Variants in NRXN2 observed in about 807,000 individuals in gnomAD.
NRXN2 encodes the protein neurexin-2-beta.
A neutral mutation model predicts 128.8 loss-of-function variants in NRXN2; 29 were observed. The observed-to-expected ratio is 0.23, with a 90% confidence interval of 0.17 to 0.31. The LOEUF (loss-of-function observed/expected upper bound fraction) is 0.31. Ranked by LOEUF, NRXN2 falls within the 10% of genes least tolerant of loss-of-function variation. NRXN2 has a pLI of 1.00. For synonymous variants in NRXN2, 1,098 were observed against 1,075.2 expected, an observed-to-expected ratio of 1.02 and a Z score of -0.41; for missense variants, 1,881 against 2,452.6, an observed-to-expected ratio of 0.77 and a Z score of 4.92.
At chr11:64,615,860 GTGTGTGTGTA>G (rs1375961037) in intron 22 of NRXN2, among the ~76,000 whole-genome samples, 1 of 148,478 alleles carries the variant, frequency 6.7e-6, no homozygotes, top group South Asian at 2.1e-4. Flanking sequence ...GTGTGTGTGT[GTGTGTGTGTA>G]TGTGTATACC....
intron 3 of NRXN2, among the ~76,000 whole-genome samples, chr11:64,697,181 G>T (rs1321041677): frequency 6.6e-6 from 1 of 152,076 alleles, no homozygotes; most frequent in Non-Finnish European, 1.5e-5. Context: ...AGCAACCTGT[G>T]GGGCAGCAGC....
Position 64,607,314 on chromosome 11 carries a change from C to G in NRXN2, c.5021G>C (p.Arg1674Pro), listed in dbSNP as rs754884519. 5.6e-6 allele frequency: 9 copies of G among 1,613,908 alleles called. No homozygotes were observed. The highest frequency in any genetic ancestry group is 7.6e-6 in the Non-Finnish European group (9 of 1,179,976). ...CTGGGCCGAGTTACTGATGTAGTTT[C>G]GGCTCTGGTCCACCTGGTAGGAGCC... ...DEGSYQVDQS[R>P]NYISNSAQSN... is the part of the protein sequence containing the mutation. Residue 1674 changes from arginine (R) to proline (P), a missense_variant, in exon 23 of 23, where the codon CGA becomes CCA. Transcript: ENST00000265459.
intron 6 of NRXN2, 37 bp from the exon 7 acceptor site, chr11:64,677,074 G>T (rs774664742): frequency 9.0e-6 from 10 of 1,114,008 alleles, no homozygotes; most frequent in South Asian, 2.7e-5. Flanking sequence ...GAGGAGGGGG[G>T]TGTCAAAAAA....
In NRXN2 at chr11:64,622,771, C is replaced by T; in HGVS notation, c.4155G>A (p.Leu1385=). 1 of 1,610,032 alleles carries T rather than the reference C, an allele frequency of 6.2e-7. No individual in the cohort carries two copies. The highest frequency in any genetic ancestry group is 1.3e-5 in the African/African-American group (1 of 75,032). ...GCCTCACCTGGGTGGTGCTGTCCCT[C>T]AGTGTGGGGGAGCGGCCCCGGCGCG... ...TTTRRGRSPT[L]RDSTTQNTDD... Residue 1385 remains leucine (L), a synonymous_variant, in exon 21 of 23, where the codon CTG becomes CTA. Transcript: ENST00000265459. This position sits in a 1 kb window ranked among gnomAD's most constrained non-coding sequence, Gnocchi z 4.3.
intron 22 of NRXN2, among the ~76,000 whole-genome samples, chr11:64,609,145 G>C (rs915815873): frequency 6.6e-6 from 1 of 151,628 alleles, no homozygotes; most frequent in Non-Finnish European, 1.5e-5. Flanking sequence ...GAGGTAGGGA[G>C]GGGCAAGGAA....
intron 3 of NRXN2, among the ~76,000 whole-genome samples, chr11:64,693,344 G>GAA: frequency 6.9e-6 from 1 of 144,874 alleles, no homozygotes; most frequent in African/African-American, 2.5e-5. Flanking sequence ...GAGGCGGAGA[G>GAA]AAAAAAAAAC....
intron 11 of NRXN2, among the ~76,000 whole-genome samples, chr11:64,659,071 A>T (rs1204408593): frequency 6.6e-6 from 1 of 152,242 alleles, no homozygotes; most frequent in Non-Finnish European, 1.5e-5. Flanking sequence ...CCAGTCGAGG[A>T]TTCTAACCTG....
chr11:64,623,097 G>C lies in NRXN2; in HGVS notation c.3848-19C>G. ...TGGCGGCCTTGCAGGAGTGGAAGGG[G>C]GTGACAGAGAAGGGGCAGGCAGTGA... On this transcript the variant is annotated intron_variant, in intron 20 of 22. Coordinates refer to ENST00000265459, the MANE Select transcript of NRXN2 (RefSeq NM_015080.4). This position sits in a 1 kb window ranked among gnomAD's most constrained non-coding sequence, Gnocchi z 4.9. 1.3e-6 allele frequency: 2 copies of C among 1,587,274 alleles called. No individual in the cohort carries two copies. Among genetic ancestry groups the C allele is most frequent in the Non-Finnish European group, 1.7e-6 (2 of 1,165,394 alleles).
At chr11:64,707,865 A>G (rs192519001) in intron 2 of NRXN2, among the ~76,000 whole-genome samples, 8 of 152,288 alleles carry the variant, frequency 5.3e-5, no homozygotes, top group African/African-American at 9.6e-5. Flanking sequence ...AGGCCAAGGC[A>G]GGCGGATCAC....
Position 64,635,303 on chromosome 11 carries a change from A to T in NRXN2, c.3553T>A (p.Ser1185Thr). The T allele has an allele frequency of 6.2e-7, 1 of 1,613,334 alleles. No homozygotes were observed. Among genetic ancestry groups the T allele is most frequent in the Non-Finnish European group, 8.5e-7 (1 of 1,179,976 alleles). The change falls in exon 18 of 23, where the codon TCC becomes ACC. Residue 1185 changes from serine (S) to threonine (T), a missense_variant. Ser to Thr is a moderately conservative substitution (Grantham distance 58). Coordinates refer to ENST00000265459, the MANE Select transcript of NRXN2 (RefSeq NM_015080.4). The surrounding 1 kb of genome is among the most constrained non-coding windows in gnomAD (Gnocchi z 4.8). ...SAVLVRVDSA[S>T]GLGDYLQLHI... ...AGCTGCAGGTAGTCTCCAAGGCCGG[A>T]GGCGCTGTCCACCCGCACCAGCACA... is the stretch of plus-strand genomic sequence containing the variant.
chr11:64,657,684 C>T (rs1015855335), intron 11 of NRXN2, among the ~76,000 whole-genome samples: 8 of 152,310 alleles, frequency 5.3e-5, no homozygotes, highest in African/African-American at 1.7e-4. Context: ...GGTCTTCTGG[C>T]CCGGAGCCCA....
Position 64,713,255 on chromosome 11 carries a change from C to T in NRXN2, c.445G>A (p.Asp149Asn), listed in dbSNP as rs780377622. 4.2e-6 allele frequency: 6 copies of T among 1,438,378 alleles called. No individual in the cohort carries two copies. The highest frequency in any genetic ancestry group is 4.6e-6 in the Non-Finnish European group (5 of 1,096,756). The allele number at this position is 1,438,378 out of a possible 1,614,324, so 89.1% of individuals were successfully genotyped here. A position where few individuals can be genotyped will look rare whatever the true frequency, so the allele number is the denominator to read the frequency against. Residue 149 changes from aspartate (D) to asparagine (N), a missense_variant, in exon 2 of 23, where the codon GAC becomes AAC. Around this residue, in one of 7 missense-constraint regions of NRXN2, gnomAD observed 997 missense variants for 1,240.8 expected, o/e 0.80. Transcript: ENST00000265459. ...GGCGGGATGCCGCCCACGAACAGGT[C>T]GCTGGCCACCTGCATCTCGCGCCGC... is the stretch of plus-strand genomic sequence containing the variant. ...SKRREMQVASDLFVGGIPPDV... is the reference protein window; with the variant it reads ...SKRREMQVASNLFVGGIPPDV...
intron 5 of NRXN2, among the ~76,000 whole-genome samples, chr11:64,689,242 G>T (rs950289239): frequency 1.4e-5 from 2 of 147,720 alleles, no homozygotes; most frequent in African/African-American, 2.4e-5. Flanking sequence ...CTTTCTCAAT[G>T]ATTTTTTTTT....
chr11:64,646,861 A>G (rs1380592891), intron 17 of NRXN2, among the ~76,000 whole-genome samples: 1 of 152,254 alleles, frequency 6.6e-6, no homozygotes, highest in East Asian at 1.9e-4. Flanking sequence ...TGGAAGGCAC[A>G]GACAGCAGCA....
rs759429273 is a variant in NRXN2, at chr11:64,622,842, C to T, written c.4084G>A (p.Ala1362Thr). Residue 1362 changes from alanine to threonine, a missense_variant, in exon 21 of 23, where the codon GCC (alanine) becomes ACC (threonine). Around this residue, in one of 7 missense-constraint regions of NRXN2, gnomAD observed 108 missense variants for 165.2 expected, o/e 0.65. Coordinates refer to ENST00000265459, the MANE Select transcript of NRXN2 (RefSeq NM_015080.4). The surrounding 1 kb of genome is among the most constrained non-coding windows in gnomAD (Gnocchi z 4.3). ...GTGGTAGTCTCCATGATGGTGGTGG[C>T]CATGTCAGCCAGCAGGGTGGTGGCC... ...TTATTLLADMATTIMETTTTM... is the reference protein window; with the variant it reads ...TTATTLLADMTTTIMETTTTM... 21 of 1,612,334 alleles carry T rather than the reference C, an allele frequency of 1.3e-5. No homozygotes were observed. The highest frequency in any genetic ancestry group is 2.7e-5 in the African/African-American group (2 of 74,928).
intron 5 of NRXN2, among the ~76,000 whole-genome samples, chr11:64,689,122 G>C (rs1032016196): frequency 3.9e-5 from 6 of 152,080 alleles, no homozygotes; most frequent in African/African-American, 1.4e-4. Context: ...ACCTCAGAAA[G>C]AGAAAGGGTG....
intron 6 of NRXN2, among the ~76,000 whole-genome samples, chr11:64,684,852 G>A (rs375255591): frequency 2.6e-4 from 39 of 152,342 alleles, no homozygotes; most frequent in Admixed American, 5.9e-4. Context: ...GGGAGCATCT[G>A]GGAACAGGAG....
Position 64,635,569 on chromosome 11 carries a change from T to A in NRXN2, c.3404-117A>T. ...CCAGGTCTAGATGTGGGACTTCAGC[T>A]GTGATACCCACAGCAGCCACCAGCC... On this transcript the variant is annotated intron_variant, in intron 17 of 22. Transcript: ENST00000265459. The surrounding 1 kb of genome is among the most constrained non-coding windows in gnomAD (Gnocchi z 4.8). 8.6e-7 allele frequency: 1 copy of A among 1,167,948 alleles called. No individual in the cohort carries two copies. Among genetic ancestry groups the A allele is most frequent in the Non-Finnish European group, 1.2e-6 (1 of 808,934 alleles). The allele number at this position is 1,167,948 out of a possible 1,614,324, so 72.3% of individuals were successfully genotyped here.
At position 64,623,210 on chromosome 11, in the gene NRXN2, C is replaced by A; in HGVS notation, c.3848-132G>T. 7.2e-7 allele frequency: 1 copy of A among 1,381,898 alleles called. No homozygotes were observed. The highest frequency in any genetic ancestry group is 1.5e-5 in the African/African-American group (1 of 68,954). The allele number at this position is 1,381,898 out of a possible 1,614,324, so 85.6% of individuals were successfully genotyped here. On this transcript the variant is annotated intron_variant, in intron 20 of 22. Coordinates refer to ENST00000265459, the MANE Select transcript of NRXN2 (RefSeq NM_015080.4). The surrounding 1 kb of genome is among the most constrained non-coding windows in gnomAD (Gnocchi z 4.9). ...AGAAAGCCAGTAAGGGAGGAGGGGA[C>A]GGGGAGAAATGAGGAAGGGGCAGAA...
Sources: allele counts gnomAD v4.1 joint callset (sites outside exome capture counted in the v4.1 genomes callset), GRCh38; gene constraint gnomAD v4.1.1; regional missense constraint gnomAD v4.1.1; non-coding constraint Gnocchi (gnomAD v3.1); transcripts MANE v1.5; gene names NCBI Gene and HGNC (gene_info 2026-07-23, HGNC 2026-07-21).